RIPK4: variants seen among roughly 807,000 people sequenced by gnomAD.
RIPK4 encodes the protein receptor interacting serine/threonine kinase 4.
In RIPK4, 17 loss-of-function variants were observed where a neutral mutation model predicts 42.9. The observed-to-expected ratio is 0.40, with a 90% CI of 0.27 to 0.59. The LOEUF is 0.59. RIPK4 is among the 20% of genes least tolerant of loss of function. The pLI, the probability that RIPK4 is intolerant of heterozygous loss-of-function variation, is 0.47. For synonymous variants in RIPK4, 498 were observed against 499.1 expected (o/e 1.00, Z 0.03); for missense variants, 897 against 1,104.4 (o/e 0.81, Z 2.66).
intron 1 of RIPK4, among the ~76,000 whole-genome samples, chr21:41,761,244 C>T (rs945017664): frequency 1.3e-5 from 2 of 152,212 alleles, no homozygotes; most frequent in Non-Finnish European, 2.9e-5. Flanking sequence ...AAAATGACAC[C>T]TCTCAGCTCC....
intron 3 of RIPK4, among the ~76,000 whole-genome samples, chr21:41,750,466 T>C (rs1379503164): frequency 6.6e-6 from 1 of 152,090 alleles, no homozygotes; most frequent in Non-Finnish European, 1.5e-5. Context: ...CAAACACACA[T>C]GCGTACAGAC....
intron 2 of RIPK4, among the ~76,000 whole-genome samples, chr21:41,754,324 G>A (rs148468812): frequency 3.9e-3 from 596 of 152,298 alleles, no homozygotes; most frequent in African/African-American, 0.014. Context: ...AGTATGTCAC[G>A]TAAAGGTATT....
chr21:41,757,211 T>C (rs2061206266), intron 1 of RIPK4, among the ~76,000 whole-genome samples: 1 of 152,014 alleles, frequency 6.6e-6, no homozygotes, highest in African/African-American at 2.4e-5. Flanking sequence ...AAGTTGACGT[T>C]CCACTCAAGG....
chr21:41,756,120 G>A (rs1440076569), intron 2 of RIPK4, among the ~76,000 whole-genome samples: 2 of 152,130 alleles, frequency 1.3e-5, no homozygotes, highest in East Asian at 1.9e-4. Context: ...CCGAGCTCCT[G>A]AAAACACTGA....
Position 41,741,165 on chromosome 21 carries a change from C to G in RIPK4, c.2028G>C (p.Leu676=), listed in dbSNP as rs1158363895. Residue 676 remains leucine (L), a synonymous_variant, in exon 8 of 8, where the codon CTG becomes CTC. Transcript: ENST00000332512. ...TGGCCAGGTGTCCGTTGCGGGCAGC[C>G]AGGTGCAGAGCGGTGTAGCCGTCTG... ...MTSDGYTALH[L]AARNGHLATV... is the part of the protein sequence containing the mutation. The G allele has an allele frequency of 1.2e-6, 2 of 1,612,564 alleles. No individual in the cohort carries two copies. Among genetic ancestry groups the G allele is most frequent in the Non-Finnish European group, 1.7e-6 (2 of 1,179,772 alleles).
Position 41,750,818 on chromosome 21 carries a change from C to T in RIPK4, c.623+279G>A, listed in dbSNP as rs376563119. ...CCTCAGTCCCGAGTAGCTGGGACTA[C>T]AGGTGCACGCCACCAAGCTGGGCTA... is the stretch of plus-strand genomic sequence containing the variant. On this transcript the variant is annotated intron_variant, in intron 3 of 7. Coordinates refer to ENST00000332512, the MANE Select transcript of RIPK4 (RefSeq NM_020639.3). Among the ~76,000 whole-genome samples, 20 of 152,296 alleles carry T rather than the reference C, an allele frequency of 1.3e-4. No homozygotes were observed. The East Asian group carries it at 3.1e-3, about 24-fold the overall frequency.
At chr21:41,744,436 T>A (rs1011180116) in intron 6 of RIPK4, among the ~76,000 whole-genome samples, 8 of 151,758 alleles carry the variant, frequency 5.3e-5, no homozygotes, top group Non-Finnish European at 1.5e-5. Context: ...ATGCTCAGAC[T>A]CTGCACCCGC....
Position 41,741,878 on chromosome 21 carries a change from C to A in RIPK4, c.1315G>T (p.Ala439Ser). 1 of 1,613,460 alleles carries A rather than the reference C, an allele frequency of 6.2e-7. No individual in the cohort carries two copies. The highest frequency in any genetic ancestry group is 8.5e-7 in the Non-Finnish European group (1 of 1,180,020). Residue 439 changes from alanine to serine, a missense_variant, in exon 8 of 8, where the codon GCC becomes TCC. Physicochemically the swap from Ala to Ser is moderately conservative, Grantham distance 99. Transcript: ENST00000332512. ...QDVDLALDSG[A>S]SLLHLAVEAG... Reference sequence around the variant, plus strand: ...TCCACCGCCAGGTGCAGCAGGCTGGCACCGCTGTCCAGTGCCAGGTCCACG... The same window carrying A: ...TCCACCGCCAGGTGCAGCAGGCTGGAACCGCTGTCCAGTGCCAGGTCCACG...
rs1477459164 is a variant in RIPK4, at chr21:41,742,615, A to G, written c.1196-618T>C. ...GTATTTACCACAAAAATCCTACCGT[A>G]GTGCCTGGAATGCTGAAACCCTGCA... On this transcript the variant is annotated intron_variant, in intron 7 of 7. Coordinates refer to ENST00000332512, the MANE Select transcript of RIPK4 (RefSeq NM_020639.3). The surrounding 1 kb of genome is among the most constrained non-coding windows in gnomAD (Gnocchi z 5.1). 6.6e-6 allele frequency among the ~76,000 whole-genome samples: 1 copy of G among 152,212 alleles called. No homozygotes were observed. Among genetic ancestry groups the G allele is most frequent in the Admixed American group, 6.5e-5 (1 of 15,284 alleles).
Position 41,751,590 on chromosome 21 carries a change from G to A in RIPK4, c.475-345C>T, listed in dbSNP as rs548500033. Among the ~76,000 whole-genome samples the A allele has an allele frequency of 7.2e-5, 11 of 152,322 alleles. No individual in the cohort carries two copies. Among genetic ancestry groups the A allele is most frequent in the East Asian group, 1.9e-4 (1 of 5,170 alleles). On this transcript the variant is annotated intron_variant, in intron 2 of 7. Coordinates refer to ENST00000332512, the MANE Select transcript of RIPK4 (RefSeq NM_020639.3). This position sits in a 1 kb window ranked among gnomAD's most constrained non-coding sequence, Gnocchi z 4.5. Reference sequence around the variant, plus strand: ...ATGGTGGTTGAGAGCCGGCTGAGCCGGCATAAAGGGAAAAAAACAAGCCTT... The same window carrying A: ...ATGGTGGTTGAGAGCCGGCTGAGCCAGCATAAAGGGAAAAAAACAAGCCTT...
chr21:41,764,115 C>T (rs2061229265), intron 1 of RIPK4, among the ~76,000 whole-genome samples: 1 of 152,202 alleles, frequency 6.6e-6, no homozygotes, highest in African/African-American at 2.4e-5. Context: ...CCCTGGCAGG[C>T]ACTTCCTGTC....
chr21:41,752,058 G>T (rs1429109683), intron 2 of RIPK4, among the ~76,000 whole-genome samples: 1 of 152,060 alleles, frequency 6.6e-6, no homozygotes, highest in Non-Finnish European at 1.5e-5. Context: ...GACCTCTCTC[G>T]GGGGCATCCC....
intron 1 of RIPK4, among the ~76,000 whole-genome samples, chr21:41,759,223 A>G (rs957763098): frequency 6.6e-6 from 1 of 152,020 alleles, no homozygotes; most frequent in African/African-American, 2.4e-5. Flanking sequence ...CTCAGCCTCC[A>G]GGGTAGCTGG....
chr21:41,744,498 C>T (rs1016798852), intron 6 of RIPK4, among the ~76,000 whole-genome samples: 1 of 151,942 alleles, frequency 6.6e-6, no homozygotes, highest in Non-Finnish European at 1.5e-5. Context: ...GCGCTGGCCC[C>T]ACCCAGCACG....
Position 41,742,822 on chromosome 21 carries a change from A to T in RIPK4, c.1196-825T>A, listed in dbSNP as rs894164974. On this transcript the variant is annotated intron_variant, in intron 7 of 7. Transcript: ENST00000332512. This position sits in a 1 kb window ranked among gnomAD's most constrained non-coding sequence, Gnocchi z 5.1. Reference sequence around the variant, plus strand: ...ACAAGATGTCATTTCAGAGTATTAGACCCAAAGAGAATGTTCTAGAACGTA... The same window carrying T: ...ACAAGATGTCATTTCAGAGTATTAGTCCCAAAGAGAATGTTCTAGAACGTA... Among the ~76,000 whole-genome samples the T allele has an allele frequency of 3.9e-5, 6 of 152,104 alleles. No homozygotes were observed. Among genetic ancestry groups the T allele is most frequent in the African/African-American group, 1.4e-4 (6 of 41,400 alleles).
chr21:41,746,897 G>A (rs2061173697), intron 4 of RIPK4, 126 bp from the exon 5 acceptor site: 21 of 1,074,582 alleles, frequency 2.0e-5, no homozygotes, highest in East Asian at 2.5e-5. Context: ...CCAGGGAGAC[G>A]GCTCCCCCAC....
Position 41,745,789 on chromosome 21 carries a change from G to C in RIPK4, c.906C>G (p.Asp302Glu). The change falls in exon 6 of 8, where the codon GAC (aspartate) becomes GAG (glutamate). Residue 302 changes from aspartate to glutamate, a missense_variant. Coordinates refer to ENST00000332512, the MANE Select transcript of RIPK4 (RefSeq NM_020639.3). ...DEVKETAHDL[D>E]VKSPPEPRSE... ...TCCTGGGCTCCGGGGGGCTTTTCAC[G>C]TCCAGATCATGAGCAGTTTCTTTCA... 6.2e-7 allele frequency: 1 copy of C among 1,614,102 alleles called. No individual in the cohort carries two copies. Among genetic ancestry groups the C allele is most frequent in the Non-Finnish European group, 8.5e-7 (1 of 1,179,968 alleles).
At chr21:41,758,629 T>C (rs1469586749) in intron 1 of RIPK4, among the ~76,000 whole-genome samples, 1 of 152,250 alleles carries the variant, frequency 6.6e-6, no homozygotes, top group Non-Finnish European at 1.5e-5. Context: ...TGCCAAATGG[T>C]TGCCCACAGC....
At position 41,740,816 on chromosome 21, in the gene RIPK4, C is replaced by T. The variant is rs1478492886; in HGVS notation, c.*22G>A. ...ACAGGACAAGAGCCCCACGTGGACC[C>T]CCGGTCTCCGCAGGCAGCCAGCTAG... On this transcript the variant is annotated 3_prime_UTR_variant, in exon 8 of 8. Coordinates refer to ENST00000332512, the MANE Select transcript of RIPK4 (RefSeq NM_020639.3). The T allele has an allele frequency of 2.5e-6, 4 of 1,575,270 alleles. No homozygotes were observed. The highest frequency in any genetic ancestry group is 1.2e-5 in the South Asian group (1 of 85,882).
Sources: allele counts gnomAD v4.1 joint callset (sites outside exome capture counted in the v4.1 genomes callset), GRCh38; gene constraint gnomAD v4.1.1; non-coding constraint Gnocchi (gnomAD v3.1); transcripts MANE v1.5; gene names NCBI Gene and HGNC (gene_info 2026-07-23, HGNC 2026-07-21).